DOCK9: variants seen among roughly 807,000 people sequenced by gnomAD.
DOCK9 encodes the protein dedicator of cytokinesis protein 9.
A neutral mutation model predicts 263.3 loss-of-function variants in DOCK9; 89 were observed. That is an observed-to-expected ratio of 0.34 (90% CI 0.28 to 0.40). The LOEUF is 0.40. DOCK9 is among the 10% of genes least tolerant of loss of function. DOCK9 has a pLI of 1.00. For missense variants in DOCK9, 2,140 were observed against 2,603.4 expected, an observed-to-expected ratio of 0.82 and a Z score of 3.87; for synonymous variants, 976 against 973.1, an observed-to-expected ratio of 1.00 and a Z score of -0.06.
At chr13:99,052,922 TC>T (rs1260596325) in intron 1 of DOCK9, among the ~76,000 whole-genome samples, 1 of 152,180 alleles carries the variant, frequency 6.6e-6, no homozygotes. Context: ...AAATATATCC[TC>T]CCATTCCATT....
intron 44 of DOCK9, chr13:98,826,108 G>C (rs1248080589): frequency 2.1e-6 from 1 of 465,282 alleles, no homozygotes; most frequent in Non-Finnish European, 3.8e-6. Flanking sequence ...GGCATCTTTG[G>C]TTTCACACTA....
intron 15 of DOCK9, among the ~76,000 whole-genome samples, chr13:98,894,970 A>C (rs2047174773): frequency 7.9e-6 from 1 of 127,176 alleles, no homozygotes; most frequent in Non-Finnish European, 1.6e-5. Flanking sequence ...AAAAAAAAAA[A>C]AAAAAAAAAA....
intron 1 of DOCK9, among the ~76,000 whole-genome samples, chr13:98,988,200 GA>G (rs1878933712): frequency 6.6e-6 from 1 of 152,166 alleles, no homozygotes; most frequent in Admixed American, 6.5e-5. Context: ...TCAGAGCTGG[GA>G]CCAGAGGCAG....
At chr13:98,922,198 G>T (rs1292631416) in intron 5 of DOCK9, 52 bp from the exon 6 acceptor site, 2 of 1,423,246 alleles carry the variant, frequency 1.4e-6, no homozygotes, top group African/African-American at 2.8e-5. Flanking sequence ...TACCTGGGTT[G>T]CTTGCTGTGA....
chr13:98,916,965 A>G (rs888570970), intron 7 of DOCK9, among the ~76,000 whole-genome samples: 1 of 152,234 alleles, frequency 6.6e-6, no homozygotes, highest in Non-Finnish European at 1.5e-5. Context: ...TAATTTTTAA[A>G]AACACTTAAA....
At chr13:98,999,487 TCTC>T (rs1343158252) in intron 1 of DOCK9, among the ~76,000 whole-genome samples, 15 of 152,320 alleles carry the variant, frequency 9.8e-5, no homozygotes, top group African/African-American at 3.6e-4. Flanking sequence ...CATCTGGCCT[TCTC>T]CTGAATTCTC....
intron 7 of DOCK9, 97 bp from the exon 8 acceptor site, chr13:98,915,600 AT>A: frequency 1.6e-6 from 2 of 1,215,692 alleles, no homozygotes; most frequent in Admixed American, 2.9e-5. Context: ...TCTCATTGGC[AT>A]TTAGAACCAA....
chr13:98,993,752 AT>A (rs563186493), intron 1 of DOCK9, among the ~76,000 whole-genome samples: 4 of 151,420 alleles, frequency 2.6e-5, no homozygotes, highest in Admixed American at 2.0e-4. Flanking sequence ...AAAAATAAAA[AT>A]AAATAAAGTT....
chr13:99,005,483 A>G (rs1417497695), intron 1 of DOCK9, among the ~76,000 whole-genome samples: 1 of 152,152 alleles, frequency 6.6e-6, no homozygotes, highest in African/African-American at 2.4e-5. Flanking sequence ...TAGGGGAAAA[A>G]GGAAAAGGCC....
intron 27 of DOCK9, among the ~76,000 whole-genome samples, chr13:98,877,105 A>G (rs1329210500): frequency 6.6e-6 from 1 of 152,224 alleles, no homozygotes; most frequent in African/African-American, 2.4e-5. Flanking sequence ...GTGTTGACAA[A>G]TCATGTTATA....
intron 43 of DOCK9, 137 bp from the exon 44 acceptor site, chr13:98,827,024 A>G: frequency 1.7e-6 from 1 of 585,510 alleles, no homozygotes; most frequent in Non-Finnish European, 2.9e-6. Flanking sequence ...CTAATAGCTG[A>G]TATCTTACCT....
chr13:98,909,522 C>T (rs1048460891), intron 9 of DOCK9, among the ~76,000 whole-genome samples: 2 of 152,170 alleles, frequency 1.3e-5, no homozygotes, highest in African/African-American at 4.8e-5. Context: ...AATAGGAGGA[C>T]TTTGCAAAAT....
intron 1 of DOCK9, among the ~76,000 whole-genome samples, chr13:99,020,975 G>A (rs1886020477): frequency 6.6e-6 from 1 of 152,188 alleles, no homozygotes; most frequent in African/African-American, 2.4e-5. Flanking sequence ...CATTATGATA[G>A]CCAGTCCATT....
chr13:98,896,297 G>A (rs2047414601), intron 15 of DOCK9, among the ~76,000 whole-genome samples: 1 of 152,138 alleles, frequency 6.6e-6, no homozygotes. Context: ...CTGCTGACAT[G>A]GACGTGATTG....
At chr13:98,979,223 T>TAGCAGCAGCAGCAGCAGC (rs1222854720), upstream of DOCK9, among the ~76,000 whole-genome samples, 1 of 122,808 alleles carries the variant, frequency 8.1e-6, no homozygotes. Context: ...GTAGTAGTAG[T>TAGCAGCAGCAGCAGCAGC]AGTAGTAGCA....
intron 1 of DOCK9, among the ~76,000 whole-genome samples, chr13:98,991,855 A>G (rs984146606): frequency 1.3e-5 from 2 of 152,086 alleles, no homozygotes; most frequent in African/African-American, 4.8e-5. Flanking sequence ...AAAAATAATA[A>G]TAAGGTCGCA....
intron 48 of DOCK9, among the ~76,000 whole-genome samples, chr13:98,806,012 G>A (rs2090662370): frequency 6.6e-6 from 1 of 152,134 alleles, no homozygotes; most frequent in Admixed American, 6.5e-5. Context: ...CGCCCGCCTT[G>A]GCCTCCCAAA....
At chr13:98,855,789 G>A (rs762579125) in intron 34 of DOCK9, 109 bp downstream of exon 34, 50 of 1,410,902 alleles carry the variant, frequency 3.5e-5, no homozygotes, top group Non-Finnish European at 4.8e-5. Flanking sequence ...GGGTGGTTTA[G>A]AAAAAAACAA....
chr13:98,924,390 A>C (rs2052584334), intron 4 of DOCK9, among the ~76,000 whole-genome samples: 2 of 152,252 alleles, frequency 1.3e-5, no homozygotes, highest in Non-Finnish European at 2.9e-5. Flanking sequence ...AAAATACATT[A>C]ATCAGGTCTC....
Sources: gnomAD v4.1 joint callset for allele counts (sites outside exome capture counted in the v4.1 genomes callset) on GRCh38, gnomAD v4.1.1 for gene constraint, MANE v1.5 for transcripts, NCBI Gene and HGNC (gene_info 2026-07-23, HGNC 2026-07-21) for gene names.